Variants in CDYL observed in about 807,000 individuals in gnomAD.
CDYL encodes chromodomain Y like, also known as chromodomain Y-like protein.
Under a neutral mutation model 47.3 loss-of-function variants are expected in CDYL, and 8 were observed. That is an observed-to-expected ratio of 0.17 (90% CI 0.10 to 0.31). The LOEUF (loss-of-function observed/expected upper bound fraction) is 0.31. Among genes scored for constraint, CDYL ranks in the 10% least tolerant of loss-of-function variants. The pLI is 1.00. For synonymous variants in CDYL, 266 were observed against 265.0 expected (o/e 1.00, Z -0.04); for missense variants, 471 against 701.4 (o/e 0.67, Z 3.71).
chr6:4,904,635 C>G (rs2127496279), intron 2 of CDYL, among the ~76,000 whole-genome samples: 1 of 152,252 alleles, frequency 6.6e-6, no homozygotes, highest in African/African-American at 2.4e-5. Flanking sequence ...TTAAAAAGAA[C>G]TTTTTTTAAT....
chr6:4,773,237 CTT>C (rs1274334327), upstream of CDYL: 7 of 456,872 alleles, frequency 1.5e-5, no homozygotes, highest in Non-Finnish European at 2.6e-5. The surrounding 1 kb of genome is among the most constrained non-coding windows in gnomAD (Gnocchi z 4.6). Flanking sequence ...TATCGTCTCT[CTT>C]GTTGACCACT....
chr6:4,729,423 T>C (rs1757567958), intron 2 of CDYL, among the ~76,000 whole-genome samples: 1 of 151,932 alleles, frequency 6.6e-6, no homozygotes, highest in Non-Finnish European at 1.5e-5. Flanking sequence ...TGATACCTTC[T>C]CAGACCTCTG....
chr6:4,759,202 C>A (rs1582317423), intron 3 of CDYL, among the ~76,000 whole-genome samples: 1 of 152,142 alleles, frequency 6.6e-6, no homozygotes, highest in Non-Finnish European at 1.5e-5. Context: ...ATCTCCTGAC[C>A]TTGTGATCCA....
rs1434679805 is a variant in CDYL at position 4,737,712 on chromosome 6, A to C, written c.186+2868A>C. 2.0e-5 allele frequency among the ~76,000 whole-genome samples: 3 copies of C among 151,998 alleles called. No homozygotes were observed. The East Asian group carries it at 5.8e-4, about 30-fold the overall frequency. On this transcript the variant is annotated intron_variant, in intron 3 of 8. Coordinates refer to the CDYL transcript ENST00000328908. ...TGGCTAATTTTTGTATTTTTAGTAG[A>C]GACAGGGTTTCACCATGTTGGCCAG... is the stretch of plus-strand genomic sequence containing the variant.
At chr6:4,710,114 C>CAG (rs945902575) in intron 1 of CDYL, among the ~76,000 whole-genome samples, 4 of 152,002 alleles carry the variant, frequency 2.6e-5, no homozygotes, top group African/African-American at 9.7e-5. Context: ...CCCAGCTACT[C>CAG]AGGAGTCCGA....
At chr6:4,835,659 T>A (rs560027581) in intron 1 of CDYL, among the ~76,000 whole-genome samples, 2 of 152,364 alleles carry the variant, frequency 1.3e-5, no homozygotes, top group African/African-American at 4.8e-5. Context: ...TTTGTTTGTC[T>A]GTGCCCTGCC....
chr6:4,719,777 G>A (rs1040707843), intron 2 of CDYL, among the ~76,000 whole-genome samples: 3 of 152,064 alleles, frequency 2.0e-5, no homozygotes, highest in Non-Finnish European at 4.4e-5. Context: ...TCTTTAATGA[G>A]TACCATCTCT....
At chr6:4,842,042 A>G (rs906031905) in intron 1 of CDYL, among the ~76,000 whole-genome samples, 3 of 144,822 alleles carry the variant, frequency 2.1e-5, no homozygotes, top group Admixed American at 7.0e-5. Context: ...TATAATTTAT[A>G]TATATTATAT....
intron 1 of CDYL, among the ~76,000 whole-genome samples, chr6:4,805,028 A>G (rs1159549821): frequency 6.6e-6 from 1 of 152,192 alleles, no homozygotes; most frequent in Non-Finnish European, 1.5e-5. Flanking sequence ...TTTGAATCAG[A>G]TTTCTAAATC....
chr6:4,819,154 C>CTGTGTGTGTGTGTG (rs1481715959), intron 1 of CDYL, among the ~76,000 whole-genome samples: 7 of 137,682 alleles, frequency 5.1e-5, no homozygotes, highest in African/African-American at 1.9e-4. Flanking sequence ...CTCTCTCTCT[C>CTGTGTGTGTGTGTG]TCTCTCTCTG....
intron 3 of CDYL, among the ~76,000 whole-genome samples, chr6:4,936,097 G>A (rs1758184874): frequency 6.6e-6 from 1 of 152,214 alleles, no homozygotes; most frequent in African/African-American, 2.4e-5. Flanking sequence ...GCTCCATGAA[G>A]GCACGTGGGA....
chr6:4,929,768 T>G (rs1359798093), intron 2 of CDYL, among the ~76,000 whole-genome samples: 2 of 152,198 alleles, frequency 1.3e-5, no homozygotes, highest in Admixed American at 6.5e-5. Flanking sequence ...CACATTGAGA[T>G]TATAACAGTT....
At chr6:4,885,618 T>C (rs1489085923) in intron 1 of CDYL, among the ~76,000 whole-genome samples, 2 of 152,242 alleles carry the variant, frequency 1.3e-5, no homozygotes, top group African/African-American at 4.8e-5. Context: ...AAACAAGTTA[T>C]AGCTTGGTAG....
intron 1 of CDYL, among the ~76,000 whole-genome samples, chr6:4,854,409 G>A (rs1308463151): frequency 6.6e-6 from 1 of 152,138 alleles, no homozygotes; most frequent in Non-Finnish European, 1.5e-5. Flanking sequence ...TGCACTTGAG[G>A]TTTCTCCCCA....
At chr6:4,918,568 G>C (rs1757622283) in intron 2 of CDYL, among the ~76,000 whole-genome samples, 1 of 152,182 alleles carries the variant, frequency 6.6e-6, no homozygotes, top group Non-Finnish European at 1.5e-5. Context: ...ATATTGCGTA[G>C]TAATTTCTGA....
intron 1 of CDYL, among the ~76,000 whole-genome samples, chr6:4,781,973 C>T (rs907322109): frequency 7.3e-5 from 11 of 149,816 alleles, no homozygotes; most frequent in African/African-American, 2.7e-4. Context: ...TCTTATGTTC[C>T]GAGAAGCTTC....
At chr6:4,943,868 C>CT in intron 5 of CDYL, 112 bp downstream of exon 5, 1 of 761,632 alleles carries the variant, frequency 1.3e-6, no homozygotes, top group Non-Finnish European at 2.0e-6. Flanking sequence ...TCTGTGGGGA[C>CT]TTTCCATCTT....
At chr6:4,830,773 G>T (rs867478604) in intron 1 of CDYL, among the ~76,000 whole-genome samples, 3,106 of 112,632 alleles carry the variant, frequency 0.028, 135 homozygotes, top group African/African-American at 0.1. Flanking sequence ...CCCACAACAG[G>T]CCCCAGAGTG....
intron 2 of CDYL, among the ~76,000 whole-genome samples, chr6:4,721,300 ATCT>A (rs1374832511): frequency 6.6e-6 from 1 of 152,012 alleles, no homozygotes; most frequent in African/African-American, 2.4e-5. Context: ...TATTTTGCTA[ATCT>A]TCTCTGTATC....
Sources: allele counts gnomAD v4.1 joint callset (sites outside exome capture counted in the v4.1 genomes callset), GRCh38; gene constraint gnomAD v4.1.1; non-coding constraint Gnocchi (gnomAD v3.1); transcripts MANE v1.5; gene names NCBI Gene and HGNC (gene_info 2026-07-23, HGNC 2026-07-21).